Variants in PPM1E observed in about 807,000 individuals in gnomAD.
PPM1E encodes protein phosphatase, Mg2+/Mn2+ dependent 1E.
A neutral mutation model predicts 65.9 loss-of-function variants in PPM1E; 20 were observed. The ratio of observed to expected loss-of-function variants is 0.30; its 90% CI spans 0.21 to 0.44. The LOEUF is 0.44. Among genes scored for constraint, PPM1E ranks in the 20% least tolerant of loss-of-function variants. The pLI is 1.00. For missense variants in PPM1E, 713 were observed against 953.1 expected, an observed-to-expected ratio of 0.75 and a Z score of 3.32; for synonymous variants, 352 against 374.9, an observed-to-expected ratio of 0.94 and a Z score of 0.70.
In PPM1E at chr17:58,762,462, CA is replaced by C. The variant is rs879734129; in HGVS notation, c.464+6012del. 4.3e-4 allele frequency among the ~76,000 whole-genome samples: 60 copies of C among 138,558 alleles called. 1 individual carries two copies. Among genetic ancestry groups the C allele is most frequent in the Admixed American group, 1.3e-3 (18 of 13,840 alleles). 90.9% of individuals were successfully genotyped at this position (138,558 alleles called of 152,430 possible). On this transcript the variant is annotated intron_variant, in intron 1 of 6. Transcript: ENST00000308249. ...TGGGTAACAGAGTGAGACCTTGTTT[CA>C]AAAAAAAAAAGTTTCTATGACAAAA...
chr17:58,917,154 G>A (rs2051693364), intron 1 of PPM1E, among the ~76,000 whole-genome samples: 1 of 151,298 alleles, frequency 6.6e-6, no homozygotes. Flanking sequence ...AGGTTGCAGT[G>A]AGCCGAGATT....
In PPM1E at chr17:58,782,405, G is replaced by T. The variant is rs962183761; in HGVS notation, c.464+25944G>T. ...TGCAACAATCTTAACTCAGGTTTTT[G>T]TTTTTTTTTTTTTTGAGATGGAGTC... is the stretch of plus-strand genomic sequence containing the variant. On this transcript the variant is annotated intron_variant, in intron 1 of 6. Transcript: ENST00000308249. 4.6e-3 allele frequency among the ~76,000 whole-genome samples: 638 copies of T among 138,680 alleles called. 2 individuals are homozygous for T. Among genetic ancestry groups the T allele is most frequent in the Non-Finnish European group, 5.7e-3 (364 of 63,950 alleles). 91.0% of individuals were successfully genotyped at this position (138,680 alleles called of 152,430 possible).
intron 1 of PPM1E, among the ~76,000 whole-genome samples, chr17:58,827,247 C>A (rs1191766527): frequency 1.4e-5 from 2 of 145,864 alleles, no homozygotes; most frequent in Admixed American, 6.9e-5. Flanking sequence ...AAGCGATTCT[C>A]CTGCCGCAGC....
At chr17:58,871,801 A>AGG (rs1157862000) in intron 1 of PPM1E, among the ~76,000 whole-genome samples, 4 of 121,206 alleles carry the variant, frequency 3.3e-5, no homozygotes, top group African/African-American at 9.7e-5. Context: ...TGGGCAACAA[A>AGG]GGGAGACCCT....
At chr17:58,766,656 A>G (rs1180569753) in intron 1 of PPM1E, among the ~76,000 whole-genome samples, 1 of 152,062 alleles carries the variant, frequency 6.6e-6, no homozygotes, top group East Asian at 1.9e-4. Context: ...AAAAGGCTAA[A>G]ATGCTAAAGG....
At chr17:58,911,969 G>A (rs1315154276) in intron 1 of PPM1E, among the ~76,000 whole-genome samples, 1 of 152,174 alleles carries the variant, frequency 6.6e-6, no homozygotes, top group Non-Finnish European at 1.5e-5. Context: ...TCTGGCCTCT[G>A]CGAGAGCACA....
At chr17:58,793,928 C>G (rs1266409216) in intron 1 of PPM1E, among the ~76,000 whole-genome samples, 3 of 152,110 alleles carry the variant, frequency 2.0e-5, no homozygotes, top group Non-Finnish European at 4.4e-5. Context: ...ACTGCAACCT[C>G]TGTCTCCTGG....
At chr17:58,808,599 G>A (rs1384936089) in intron 1 of PPM1E, among the ~76,000 whole-genome samples, 1 of 151,932 alleles carries the variant, frequency 6.6e-6, no homozygotes, top group Non-Finnish European at 1.5e-5. Context: ...GAGAGAAAAA[G>A]AGTATAAAAT....
chr17:58,915,581 A>G (rs1480584489), intron 1 of PPM1E, among the ~76,000 whole-genome samples: 1 of 152,178 alleles, frequency 6.6e-6, no homozygotes, highest in African/African-American at 2.4e-5. Context: ...CTCTGGTTCA[A>G]ATGCCTCTGA....
intron 1 of PPM1E, among the ~76,000 whole-genome samples, chr17:58,941,345 A>G (rs539187378): frequency 2.2e-4 from 33 of 152,318 alleles, no homozygotes; most frequent in African/African-American, 7.2e-5. Flanking sequence ...ATACTTACCT[A>G]CATATATATG....
At chr17:58,961,777 A>G (rs547109923) in intron 2 of PPM1E, among the ~76,000 whole-genome samples, 62 of 152,190 alleles carry the variant, frequency 4.1e-4, no homozygotes, top group Non-Finnish European at 1.6e-4. Context: ...AATGTGACCG[A>G]AAAACTGAAT....
intron 1 of PPM1E, among the ~76,000 whole-genome samples, chr17:58,794,931 C>T (rs1309989960): frequency 2.0e-5 from 3 of 147,732 alleles, no homozygotes; most frequent in African/African-American, 7.7e-5. Context: ...CTCTGTCACC[C>T]AGACTAGAGT....
intron 6 of PPM1E, among the ~76,000 whole-genome samples, chr17:58,976,650 C>T (rs1417788779): frequency 6.6e-6 from 1 of 152,120 alleles, no homozygotes; most frequent in Non-Finnish European, 1.5e-5. Flanking sequence ...AGGATGTTGC[C>T]ATTTCTACGA....
At position 58,888,793 on chromosome 17, in the gene PPM1E, G is replaced by A. The variant is rs1272435232; in HGVS notation, c.465-66856G>A. Among the ~76,000 whole-genome samples the A allele has an allele frequency of 2.0e-5, 3 of 152,244 alleles. No homozygotes were observed. In the South Asian group the frequency reaches 6.2e-4, roughly 32 times the overall value. ...CAAATTATCTTCCAAAACTACAAAT[G>A]GATATTTAAAATTCATAATATGTAG... On this transcript the variant is annotated intron_variant, in intron 1 of 6. Coordinates refer to ENST00000308249, the MANE Select transcript of PPM1E (RefSeq NM_014906.5).
intron 1 of PPM1E, among the ~76,000 whole-genome samples, chr17:58,832,927 C>CGAA (rs2050619605): frequency 2.6e-5 from 4 of 152,070 alleles, no homozygotes; most frequent in Non-Finnish European, 4.4e-5. Context: ...ATTCTCCTTC[C>CGAA]TCAGCCATCT....
In PPM1E at chr17:58,983,635, T is replaced by C. The variant is rs2031526080; in HGVS notation, c.*2604T>C. 6.6e-6 allele frequency: 1 copy of C among 152,670 alleles called. No individual in the cohort carries two copies. Among genetic ancestry groups the C allele is most frequent in the Admixed American group, 6.5e-5 (1 of 15,284 alleles). 9.5% of individuals were successfully genotyped at this position (152,670 alleles called of 1,614,324 possible). A position where few individuals can be genotyped will look rare whatever the true frequency, so the allele number is the denominator to read the frequency against. ...TATTAGACAGATATAAAAGTATCTA[T>C]ATAATATCTATAAACTGTTAATGCT... On this transcript the variant is annotated 3_prime_UTR_variant, in exon 7 of 7. Coordinates refer to ENST00000308249, the MANE Select transcript of PPM1E (RefSeq NM_014906.5).
chr17:58,901,515 T>C (rs981357284), intron 1 of PPM1E, among the ~76,000 whole-genome samples: 2 of 150,450 alleles, frequency 1.3e-5, no homozygotes, highest in African/African-American at 4.9e-5. Flanking sequence ...GTATGTCTAA[T>C]AAAAATACAA....
intron 1 of PPM1E, among the ~76,000 whole-genome samples, chr17:58,779,922 T>A (rs1288622820): frequency 6.6e-6 from 1 of 152,220 alleles, no homozygotes; most frequent in Non-Finnish European, 1.5e-5. Context: ...ATGTAAAGAT[T>A]TACCTCATTC....
chr17:58,773,790 AT>A (rs2049964055), intron 1 of PPM1E, among the ~76,000 whole-genome samples: 1 of 152,284 alleles, frequency 6.6e-6, no homozygotes, highest in East Asian at 1.9e-4. Context: ...TTTTGTTAAA[AT>A]GCAAATTCCT....
Sources: allele counts gnomAD v4.1 joint callset (sites outside exome capture counted in the v4.1 genomes callset), GRCh38; gene constraint gnomAD v4.1.1; transcripts MANE v1.5; gene names NCBI Gene and HGNC (gene_info 2026-07-23, HGNC 2026-07-21).